ADCY2: variants seen among roughly 807,000 people sequenced by gnomAD.
The protein encoded by ADCY2 is adenylate cyclase type 2.
ADCY2 carries 31 observed loss-of-function variants against 125.2 expected under a neutral mutation model. The ratio of observed to expected loss-of-function variants is 0.25; its 90% CI spans 0.19 to 0.33. The LOEUF is 0.33. ADCY2 is among the 10% of genes least tolerant of loss of function. The pLI, the probability that ADCY2 is intolerant of heterozygous loss-of-function variation, is 1.00. For missense variants in ADCY2, 904 were observed against 1,418.2 expected, an observed-to-expected ratio of 0.64 and a Z score of 5.82; for synonymous variants, 512 against 548.4, an observed-to-expected ratio of 0.93 and a Z score of 0.93.
intron 7 of ADCY2, among the ~76,000 whole-genome samples, chr5:7,705,868 G>A (rs1269442845): frequency 1.3e-5 from 2 of 152,146 alleles, no homozygotes; most frequent in East Asian, 3.9e-4. Context: ...TGCTAAAATG[G>A]TATCATTATA....
At chr5:7,557,201 A>ATATATATATATATATATATATATATAT in intron 3 of ADCY2, among the ~76,000 whole-genome samples, 7 of 140,054 alleles carry the variant, frequency 5.0e-5, no homozygotes, top group African/African-American at 7.9e-5. Flanking sequence ...TGATATATAT[A>ATATATATATATATATATATATATATAT]ACTCAAGTGA....
intron 3 of ADCY2, among the ~76,000 whole-genome samples, chr5:7,569,569 A>G (rs577261143): frequency 3.9e-5 from 6 of 152,268 alleles, no homozygotes; most frequent in Non-Finnish European, 8.8e-5. Context: ...TTCAGTTACC[A>G]GGGTACTCCA....
Position 7,396,874 on chromosome 5 carries a change from C to G in ADCY2, c.210+368C>G, listed in dbSNP as rs1294279386. On this transcript the variant is annotated intron_variant, in intron 1 of 24. Coordinates refer to ENST00000338316, the MANE Select transcript of ADCY2 (RefSeq NM_020546.3). This position sits in a 1 kb window ranked among gnomAD's most constrained non-coding sequence, Gnocchi z 5.7. ...TGGAATAGGTCTTCCCCGACTCAGC[C>G]CTGGGCTTCCTGGGCGAGTCGCTGT... Among the ~76,000 whole-genome samples the G allele has an allele frequency of 1.3e-5, 2 of 152,328 alleles. No homozygotes were observed. The highest frequency in any genetic ancestry group is 3.9e-4 in the East Asian group (2 of 5,164).
At chr5:7,758,648 A>G (rs952290927) in intron 16 of ADCY2, among the ~76,000 whole-genome samples, 5 of 152,174 alleles carry the variant, frequency 3.3e-5, no homozygotes, top group African/African-American at 1.2e-4. Context: ...TAGGAGTAGG[A>G]GACAGACAGC....
At chr5:7,653,980 T>C (rs1271465846) in intron 4 of ADCY2, 1 of 423,824 alleles carries the variant, frequency 2.4e-6, no homozygotes, top group Non-Finnish European at 4.8e-6. Context: ...CCAGAAGAGC[T>C]GTTGAGAAGA....
intron 3 of ADCY2, among the ~76,000 whole-genome samples, chr5:7,602,751 C>T (rs924169338): frequency 6.6e-6 from 1 of 152,202 alleles, no homozygotes; most frequent in East Asian, 1.9e-4. Flanking sequence ...TCACACCAAA[C>T]TCACTGAGCA....
intron 4 of ADCY2, among the ~76,000 whole-genome samples, chr5:7,627,982 T>C (rs1198231341): frequency 2.0e-5 from 3 of 152,252 alleles, no homozygotes; most frequent in Non-Finnish European, 4.4e-5. Flanking sequence ...TTGTTTGTTC[T>C]AGATGTGTGT....
Position 7,520,738 on chromosome 5 carries a change from G to A in ADCY2, c.409G>A (p.Val137Ile), listed in dbSNP as rs1337692370. The A allele has an allele frequency of 6.2e-7, 1 of 1,614,070 alleles. No homozygotes were observed. The highest frequency in any genetic ancestry group is 8.5e-7 in the Non-Finnish European group (1 of 1,179,994). ...TATTGTTCTTCTTCTCTGCCCGTAG[G>A]TATCGTTCTTCCTCTTCATCATCTT... is the stretch of plus-strand genomic sequence containing the variant. ...FGGTVSPWDQ[V>I]SFFLFIIFVV... Residue 137 changes from valine (V) to isoleucine (I), a missense_variant and splice_region_variant, in exon 3 of 25, where the codon GTA (valine) becomes ATA (isoleucine). Around this residue, in one of 7 missense-constraint regions of ADCY2, gnomAD observed 121 missense variants for 161.5 expected, o/e 0.75. Transcript: ENST00000338316.
At chr5:7,571,226 T>A (rs962789216) in intron 3 of ADCY2, among the ~76,000 whole-genome samples, 1 of 152,094 alleles carries the variant, frequency 6.6e-6, no homozygotes, top group African/African-American at 2.4e-5. Flanking sequence ...AATTCCATGA[T>A]CTATCATCTG....
At position 7,405,560 on chromosome 5, in the gene ADCY2, A is replaced by T. The variant is rs149210651; in HGVS notation, c.211-9013A>T. The stretch of plus-strand genomic sequence containing the variant: ...AGCAGGCTAGCCTGAGCTTCTTTGC[A>T]TGGAGTTCAGGAGCTTGCAAAGAGC... On this transcript the variant is annotated intron_variant, in intron 1 of 24. Coordinates refer to ENST00000338316, the MANE Select transcript of ADCY2 (RefSeq NM_020546.3). Among the ~76,000 whole-genome samples, 36 of 152,238 alleles carry T rather than the reference A, an allele frequency of 2.4e-4. 1 individual carries two copies. The East Asian group carries it at 7.0e-3, about 29-fold the overall frequency.
chr5:7,508,912 T>C (rs1175474131), intron 2 of ADCY2, among the ~76,000 whole-genome samples: 1 of 152,218 alleles, frequency 6.6e-6, no homozygotes, highest in Admixed American at 6.5e-5. Context: ...TGCACTATGA[T>C]TCCAGGCCCA....
At chr5:7,705,933 TCA>T (rs1191514167) in intron 7 of ADCY2, among the ~76,000 whole-genome samples, 1 of 152,216 alleles carries the variant, frequency 6.6e-6, no homozygotes, top group Non-Finnish European at 1.5e-5. Context: ...ATGATTCATT[TCA>T]CTACAATTCA....
chr5:7,608,811 A>C (rs981192627), intron 3 of ADCY2, among the ~76,000 whole-genome samples: 3 of 152,130 alleles, frequency 2.0e-5, no homozygotes, highest in Admixed American at 2.0e-4. Context: ...GCATAGTTTA[A>C]GACATCAAAC....
intron 22 of ADCY2, among the ~76,000 whole-genome samples, chr5:7,812,138 AG>A (rs1744963324): frequency 6.6e-6 from 1 of 152,200 alleles, no homozygotes; most frequent in African/African-American, 2.4e-5. Context: ...ATAGTAGTTA[AG>A]GGGTCCATTA....
chr5:7,779,558 C>T (rs1743847403), intron 18 of ADCY2, among the ~76,000 whole-genome samples: 1 of 80,998 alleles, frequency 1.2e-5, no homozygotes, highest in South Asian at 6.3e-4. Context: ...AGCAAAGGGC[C>T]AGCACTCCCA....
chr5:7,654,203 A>G lies in ADCY2; in HGVS notation c.720+27887A>G, dbSNP rs914355937. ...CCAGCGAGAGGAAAGCCAGGTGAGC[A>G]TGGTGTCTAGACAGAGACAGCCCAG... On this transcript the variant is annotated intron_variant, in intron 4 of 24. Coordinates refer to ENST00000338316, the MANE Select transcript of ADCY2 (RefSeq NM_020546.3). The G allele has an allele frequency of 7.9e-5, 36 of 453,944 alleles. 1 individual carries two copies. The Admixed American group carries it at 8.5e-4, about 11-fold the overall frequency. 28.1% of individuals were successfully genotyped at this position (453,944 alleles called of 1,614,324 possible).
Position 7,651,077 on chromosome 5 carries a change from C to T in ADCY2, c.720+24761C>T, listed in dbSNP as rs543260259. On this transcript the variant is annotated intron_variant, in intron 4 of 24. Coordinates refer to ENST00000338316, the MANE Select transcript of ADCY2 (RefSeq NM_020546.3). Reference sequence around the variant, plus strand: ...CTGCCTGCATGATCAGTGGCAGGTACGCATCCCAACCCAGGGGTCCTAATT... The same window carrying T: ...CTGCCTGCATGATCAGTGGCAGGTATGCATCCCAACCCAGGGGTCCTAATT... Among the ~76,000 whole-genome samples the T allele has an allele frequency of 4.6e-5, 7 of 152,208 alleles. No homozygotes were observed. The East Asian group carries it at 7.7e-4, about 17-fold the overall frequency.
At chr5:7,745,015 T>G (rs1327571425) in intron 15 of ADCY2, among the ~76,000 whole-genome samples, 4 of 152,192 alleles carry the variant, frequency 2.6e-5, no homozygotes, top group Non-Finnish European at 5.9e-5. Flanking sequence ...GTGGCTTCTA[T>G]GAAAGAATTT....
At chr5:7,694,118 G>T (rs920605759) in intron 5 of ADCY2, among the ~76,000 whole-genome samples, 1 of 152,118 alleles carries the variant, frequency 6.6e-6, no homozygotes, top group Non-Finnish European at 1.5e-5. Context: ...CCCACAGATC[G>T]TGTCCCTCAG....
Sources: gnomAD v4.1 joint callset for allele counts (sites outside exome capture counted in the v4.1 genomes callset) on GRCh38, gnomAD v4.1.1 for gene constraint, gnomAD v4.1.1 regional missense constraint, Gnocchi (gnomAD v3.1) non-coding constraint, MANE v1.5 for transcripts, NCBI Gene and HGNC (gene_info 2026-07-23, HGNC 2026-07-21) for gene names.